Variants in SPATA6 observed in about 807,000 individuals in gnomAD.
The protein encoded by SPATA6 is spermatogenesis-associated protein 6.
SPATA6 carries 56 observed loss-of-function variants against 65.3 expected under a neutral mutation model. The observed-to-expected ratio is 0.86, with a 90% CI of 0.69 to 1.07. SPATA6 has a LOEUF of 1.07. Among genes scored for constraint, SPATA6 ranks in the 50% least tolerant of loss-of-function variants. SPATA6 has a pLI of 0.00. For synonymous variants in SPATA6, 199 were observed against 213.2 expected (o/e 0.93, Z 0.58); for missense variants, 590 against 594.8 (o/e 0.99, Z 0.08).
At position 48,318,739 on chromosome 1, in the gene SPATA6, G is replaced by A. The variant is rs1434768583; in HGVS notation, c.1195-12861C>T. Among the ~76,000 whole-genome samples the A allele has an allele frequency of 5.9e-5, 9 of 151,976 alleles. No homozygotes were observed. In the East Asian group the frequency reaches 7.7e-4, roughly 13 times the overall value. ...GCTAACACAATTCCTATACAATTCC[G>A]GCCACAGTTTTCTTGCAAAAATTGA... On this transcript the variant is annotated intron_variant, in intron 11 of 12. Coordinates refer to ENST00000371847, the MANE Select transcript of SPATA6 (RefSeq NM_019073.4).
At chr1:48,302,805 G>A (rs760774297) in intron 12 of SPATA6, among the ~76,000 whole-genome samples, 2 of 151,990 alleles carry the variant, frequency 1.3e-5, no homozygotes, top group East Asian at 3.9e-4. Context: ...AGCCAACTGT[G>A]GCTATCTTCT....
chr1:48,313,520 G>A (rs907998933), intron 11 of SPATA6, among the ~76,000 whole-genome samples: 2 of 152,104 alleles, frequency 1.3e-5, no homozygotes, highest in Non-Finnish European at 2.9e-5. Context: ...CACCAGGCCT[G>A]CCCTAAAAGA....
chr1:48,384,233 G>T (rs1286793923), intron 9 of SPATA6, among the ~76,000 whole-genome samples: 10 of 144,106 alleles, frequency 6.9e-5, no homozygotes, highest in African/African-American at 2.6e-4. Context: ...GCACTCGGCA[G>T]GCTGAGGCAG....
At chr1:48,418,196 C>A (rs1459032627) in intron 3 of SPATA6, among the ~76,000 whole-genome samples, 1 of 152,054 alleles carries the variant, frequency 6.6e-6, no homozygotes, top group Admixed American at 6.6e-5. Flanking sequence ...TTTCTATCAA[C>A]CCTCAAATAA....
chr1:48,305,340 T>C (rs930527455), intron 12 of SPATA6, among the ~76,000 whole-genome samples: 2 of 152,170 alleles, frequency 1.3e-5, no homozygotes, highest in Non-Finnish European at 2.9e-5. Context: ...ATTAAAATTA[T>C]GTCAGTTGAC....
intron 11 of SPATA6, among the ~76,000 whole-genome samples, chr1:48,327,131 C>CA (rs1440660527): frequency 1.3e-4 from 20 of 152,014 alleles, no homozygotes; most frequent in African/African-American, 4.1e-4. Flanking sequence ...ACAAGTAACT[C>CA]AAACAACTCC....
At position 48,464,510 on chromosome 1, in the gene SPATA6, A is replaced by C. The variant is rs968053931; in HGVS notation, c.51+7448T>G. ...GAATGCTCATAGGAGCACAATTTGTAATATCCCCAAACTAGAAACAATGAG... is the reference window on the plus strand; with the variant it reads ...GAATGCTCATAGGAGCACAATTTGTCATATCCCCAAACTAGAAACAATGAG... On this transcript the variant is annotated intron_variant, in intron 1 of 12. Transcript: ENST00000371847. 4.6e-5 allele frequency among the ~76,000 whole-genome samples: 7 copies of C among 152,356 alleles called. No homozygotes were observed. In the South Asian group the frequency reaches 6.2e-4, roughly 14 times the overall value.
intron 12 of SPATA6, among the ~76,000 whole-genome samples, chr1:48,299,253 C>T (rs1644872341): frequency 6.6e-6 from 1 of 152,052 alleles, no homozygotes; most frequent in African/African-American, 2.4e-5. Flanking sequence ...GTGGCTCACG[C>T]CTATAATCCC....
intron 9 of SPATA6, among the ~76,000 whole-genome samples, chr1:48,367,368 G>A (rs1233150246): frequency 2.6e-5 from 4 of 152,046 alleles, no homozygotes; most frequent in Non-Finnish European, 4.4e-5. Context: ...TTTCTGTCTC[G>A]TTAATCTGTC....
intron 8 of SPATA6, among the ~76,000 whole-genome samples, chr1:48,394,335 A>G (rs549284776): frequency 6.6e-6 from 1 of 152,250 alleles, no homozygotes; most frequent in East Asian, 1.9e-4. Flanking sequence ...TTGACAAAAA[A>G]TCTTCCAAAG....
At chr1:48,428,809 G>GTGTGTA (rs144421737) in intron 3 of SPATA6, among the ~76,000 whole-genome samples, 31,506 of 137,148 alleles carry the variant, frequency 0.23, 3,606 homozygotes, top group Middle Eastern at 0.29. Context: ...GTGTGTGTGT[G>GTGTGTA]TATATGTATA....
At chr1:48,358,056 T>G (rs189161772) in intron 10 of SPATA6, among the ~76,000 whole-genome samples, 3 of 151,972 alleles carry the variant, frequency 2.0e-5, no homozygotes, top group Non-Finnish European at 2.9e-5. Flanking sequence ...TCATCCTGAG[T>G]GAAAATAATG....
At chr1:48,379,812 G>A (rs527509315) in intron 9 of SPATA6, among the ~76,000 whole-genome samples, 8 of 152,014 alleles carry the variant, frequency 5.3e-5, no homozygotes, top group Admixed American at 1.3e-4. Flanking sequence ...AGTATCATAC[G>A]CTTTACATGC....
chr1:48,367,093 T>C (rs1647045777), intron 9 of SPATA6, among the ~76,000 whole-genome samples: 1 of 152,210 alleles, frequency 6.6e-6, no homozygotes, highest in African/African-American at 2.4e-5. Context: ...AGTTTCCATG[T>C]AGTTGAGTGG....
chr1:48,453,961 CAGAA>C (rs986117044), intron 1 of SPATA6, among the ~76,000 whole-genome samples: 7 of 145,832 alleles, frequency 4.8e-5, no homozygotes, highest in Admixed American at 1.3e-4. Flanking sequence ...AAAAAAAAGA[CAGAA>C]AGAAGTACCA....
chr1:48,436,309 C>T (rs1337129887), intron 3 of SPATA6: 38 of 1,613,130 alleles, frequency 2.4e-5, no homozygotes, highest in East Asian at 4.5e-5. Context: ...CCACTTTTTC[C>T]GGCATCCCAA....
rs982932182 is a variant in SPATA6, at chr1:48,400,697, C to A, written c.487-1053G>T. 6 of 1,075,696 alleles carry A rather than the reference C, an allele frequency of 5.6e-6. No homozygotes were observed. The Admixed American group carries it at 8.6e-5, about 15-fold the overall frequency. 66.6% of individuals were successfully genotyped at this position (1,075,696 alleles called of 1,614,324 possible). A position where few individuals can be genotyped will look rare whatever the true frequency, so the allele number is the denominator to read the frequency against. Reference sequence around the variant, plus strand: ...GAGTCAAATTTTTTAAGTGGATACACAGAAAAGAAAATTAATTTTCCTAAT... The same window carrying A: ...GAGTCAAATTTTTTAAGTGGATACAAAGAAAAGAAAATTAATTTTCCTAAT... On this transcript the variant is annotated intron_variant, in intron 6 of 12. Coordinates refer to ENST00000371847, the MANE Select transcript of SPATA6 (RefSeq NM_019073.4).
At chr1:48,286,782 T>A in the SPATA6 span, among the ~76,000 whole-genome samples, 1 of 152,072 alleles carries the variant, frequency 6.6e-6, no homozygotes, top group East Asian at 1.9e-4. Context: ...ACATCTGTAA[T>A]CCCAGCACTT....
At chr1:48,365,507 T>C (rs1646973829) in intron 9 of SPATA6, among the ~76,000 whole-genome samples, 2 of 152,206 alleles carry the variant, frequency 1.3e-5, no homozygotes, top group South Asian at 2.1e-4. Context: ...CTTGAAGAGG[T>C]CCTTCACATC....
Sources: allele counts gnomAD v4.1 joint callset (sites outside exome capture counted in the v4.1 genomes callset), GRCh38; gene constraint gnomAD v4.1.1; transcripts MANE v1.5; gene names NCBI Gene and HGNC (gene_info 2026-07-23, HGNC 2026-07-21).